ATP6V1E1: variants seen among roughly 807,000 people sequenced by gnomAD.
The protein encoded by ATP6V1E1 is V-type proton ATPase subunit E 1.
In ATP6V1E1, 21 loss-of-function variants were observed where a neutral mutation model predicts 35.2. That is an observed-to-expected ratio of 0.60 (90% CI 0.42 to 0.86). The LOEUF is 0.86. Ranked by LOEUF, ATP6V1E1 falls within the 40% of genes least tolerant of loss-of-function variation. The pLI is 0.00. For missense variants in ATP6V1E1, 183 were observed against 272.6 expected (o/e 0.67, Z 2.32); for synonymous variants, 83 against 87.8 (o/e 0.95, Z 0.30).
At chr22:17,618,996 T>C (rs766029573) in intron 2 of ATP6V1E1, 23 of 450,682 alleles carry the variant, frequency 5.1e-5, no homozygotes, top group Middle Eastern at 7.0e-4. Flanking sequence ...CGAGACTGTC[T>C]CAAAATGAAA....
At chr22:17,606,253 TC>T (rs1163274454) in intron 4 of ATP6V1E1, among the ~76,000 whole-genome samples, 2 of 152,234 alleles carry the variant, frequency 1.3e-5, no homozygotes, top group Non-Finnish European at 2.9e-5. Flanking sequence ...TTTGTCAATA[TC>T]CTTTTCTAAC....
At position 17,601,081 on chromosome 22, in the gene ATP6V1E1, T is replaced by C. The variant is rs199542694; in HGVS notation, c.366+11A>G. 6.2e-4 allele frequency: 996 copies of C among 1,610,276 alleles called. 3 individuals are homozygous for C. Among genetic ancestry groups the C allele is most frequent in the Middle Eastern group, 4.2e-3 (21 of 5,024 alleles). On this transcript the variant is annotated intron_variant, in intron 5 of 8. Transcript: ENST00000253413. Reference sequence around the variant, plus strand: ...GTGGCTATCAACAGTAGATCTGGTCTATGAGGGTACCTGGAGAACCAGTCC... The same window carrying C: ...GTGGCTATCAACAGTAGATCTGGTCCATGAGGGTACCTGGAGAACCAGTCC...
chr22:17,605,434 G>A (rs905793287), intron 4 of ATP6V1E1, among the ~76,000 whole-genome samples: 1 of 151,958 alleles, frequency 6.6e-6, no homozygotes, highest in Admixed American at 6.6e-5. Flanking sequence ...GGAGGCTGAG[G>A]CAGGAGAATC....
At chr22:17,622,790 A>T (rs934133045) in intron 1 of ATP6V1E1, among the ~76,000 whole-genome samples, 3 of 152,048 alleles carry the variant, frequency 2.0e-5, no homozygotes, top group Non-Finnish European at 4.4e-5. Context: ...AGATGGAGAA[A>T]CCCCATCTCT....
At chr22:17,599,577 C>CAAAAAAAAA (rs71284922) in intron 6 of ATP6V1E1, among the ~76,000 whole-genome samples, 71 of 65,674 alleles carry the variant, frequency 1.1e-3, no homozygotes, top group Non-Finnish European at 1.8e-3. Context: ...AACTCCATCT[C>CAAAAAAAAA]AAAAAAAAAA....
intron 6 of ATP6V1E1, 55 bp from the exon 7 acceptor site, chr22:17,598,343 CA>C (rs1252265850): frequency 5.8e-6 from 8 of 1,376,968 alleles, no homozygotes; most frequent in Non-Finnish European, 8.2e-6. Context: ...AGCAAGTATC[CA>C]AAAACTCAAC....
At chr22:17,615,517 G>A (rs1260346718) in intron 2 of ATP6V1E1, among the ~76,000 whole-genome samples, 3 of 151,300 alleles carry the variant, frequency 2.0e-5, no homozygotes, top group African/African-American at 4.9e-5. Context: ...CTGGGTAGGC[G>A]CCTGTAATCC....
At chr22:17,601,927 C>T (rs2057764071) in intron 4 of ATP6V1E1, among the ~76,000 whole-genome samples, 1 of 151,322 alleles carries the variant, frequency 6.6e-6, no homozygotes, top group African/African-American at 2.4e-5. Context: ...GTTTTTGAGA[C>T]AGGGTCTTGC....
intron 2 of ATP6V1E1, chr22:17,619,220 A>C (rs1468759222): frequency 5.9e-6 from 3 of 507,872 alleles, no homozygotes; most frequent in Non-Finnish European, 7.1e-6. Flanking sequence ...TGAACCTGGG[A>C]GGCGGAGTTT....
intron 1 of ATP6V1E1, among the ~76,000 whole-genome samples, chr22:17,627,283 A>G (rs2057915816): frequency 6.6e-6 from 1 of 151,190 alleles, no homozygotes; most frequent in South Asian, 2.1e-4. Flanking sequence ...GCCCGCCACC[A>G]TGCCCGGCTA....
intron 4 of ATP6V1E1, chr22:17,612,521 T>C (rs2057820296): frequency 3.6e-6 from 1 of 280,398 alleles, no homozygotes; most frequent in Non-Finnish European, 6.6e-6. Flanking sequence ...GCCTCTGTAT[T>C]AACCATCCTA....
At position 17,598,214 on chromosome 22, in the gene ATP6V1E1, C is replaced by T; in HGVS notation, c.510G>A (p.Glu170=). ...KNDVDVQIDQ[E]SYLPEDIAGG... ...CTTACATGTCTTCAGGCAGGTAGGA[C>T]TCCTGGTCAATTTGGACATCAACAT... Residue 170 remains glutamate, a synonymous_variant, in exon 7 of 9, where the codon GAG becomes GAA. Transcript: ENST00000253413. The T allele has an allele frequency of 6.2e-7, 1 of 1,613,688 alleles. No homozygotes were observed. The highest frequency in any genetic ancestry group is 8.5e-7 in the Non-Finnish European group (1 of 1,179,694).
At chr22:17,626,384 A>C (rs1345848547) in intron 1 of ATP6V1E1, among the ~76,000 whole-genome samples, 1 of 150,266 alleles carries the variant, frequency 6.7e-6, no homozygotes, top group Non-Finnish European at 1.5e-5. Flanking sequence ...TTTATTTAAT[A>C]TTTTTAGAGA....
intron 8 of ATP6V1E1, 74 bp downstream of exon 8, chr22:17,594,455 T>C: frequency 8.6e-7 from 1 of 1,169,070 alleles, no homozygotes; most frequent in East Asian, 2.8e-5. Flanking sequence ...CAAATACCAG[T>C]GAATGGACAC....
intron 8 of ATP6V1E1, among the ~76,000 whole-genome samples, chr22:17,593,401 T>C (rs1199969401): frequency 2.6e-5 from 4 of 152,218 alleles, no homozygotes; most frequent in Non-Finnish European, 5.9e-5. Flanking sequence ...GTGCCTACTA[T>C]GGCCACAGCA....
upstream of ATP6V1E1, chr22:17,628,788 T>G (rs1182259267): frequency 2.0e-6 from 2 of 1,001,644 alleles, no homozygotes; most frequent in Non-Finnish European, 1.5e-6. Flanking sequence ...ACTGCACAGT[T>G]CATCCTCATG....
intron 1 of ATP6V1E1, among the ~76,000 whole-genome samples, chr22:17,620,190 C>G (rs2057868752): frequency 6.6e-6 from 1 of 151,540 alleles, no homozygotes; most frequent in Non-Finnish European, 1.5e-5. Flanking sequence ...CTCTGCCACC[C>G]AGGCTGGAGT....
chr22:17,613,826 G>A (rs1319819749), intron 2 of ATP6V1E1, among the ~76,000 whole-genome samples: 5 of 152,158 alleles, frequency 3.3e-5, no homozygotes, highest in African/African-American at 1.2e-4. Context: ...AATTAGCCAG[G>A]CGCGGTGGCA....
Position 17,613,247 on chromosome 22 carries a change from T to C in ATP6V1E1, c.173A>G (p.Glu58Gly), listed in dbSNP as rs1601387087. ...TQRLKIMEYYEKKEKQIEQQK... is the reference protein window; with the variant it reads ...TQRLKIMEYYGKKEKQIEQQK... ...CTGCTCAATCTGTTTCTCTTTCTTC[T>C]CATAATATTCCATAATCTTTAGTCT... Residue 58 changes from glutamate to glycine, a missense_variant, in exon 3 of 9, where the codon GAG becomes GGG. Transcript: ENST00000253413. 6.2e-7 allele frequency: 1 copy of C among 1,612,598 alleles called. No homozygotes were observed. Among genetic ancestry groups the C allele is most frequent in the Non-Finnish European group, 8.5e-7 (1 of 1,179,732 alleles).
Sources: gnomAD v4.1 joint callset for allele counts (sites outside exome capture counted in the v4.1 genomes callset) on GRCh38, gnomAD v4.1.1 for gene constraint, MANE v1.5 for transcripts, NCBI Gene and HGNC (gene_info 2026-07-23, HGNC 2026-07-21) for gene names.